Variants in MECOM observed in about 807,000 individuals in gnomAD.
The protein encoded by MECOM is MDS1 and EVI1 complex locus.
In MECOM, 13 loss-of-function variants were observed where a neutral mutation model predicts 116.3. The observed-to-expected ratio is 0.11, with a 90% CI of 0.07 to 0.18. The LOEUF is 0.18. Among genes scored for constraint, MECOM ranks in the 10% least tolerant of loss-of-function variants. MECOM has a pLI of 1.00. For synonymous variants in MECOM, 528 were observed against 535.2 expected (o/e 0.99, Z 0.19); for missense variants, 1,299 against 1,509.0 (o/e 0.86, Z 2.31).
intron 2 of MECOM, among the ~76,000 whole-genome samples, chr3:169,349,040 A>G (rs1725841757): frequency 6.6e-6 from 1 of 151,582 alleles, no homozygotes; most frequent in Non-Finnish European, 1.5e-5. Context: ...ATATAAAGTC[A>G]TGTTCACCCC....
At chr3:169,467,666 C>T (rs757530959) in intron 1 of MECOM, among the ~76,000 whole-genome samples, 1 of 152,138 alleles carries the variant, frequency 6.6e-6, no homozygotes, top group Non-Finnish European at 1.5e-5. Flanking sequence ...AGTCTCCTAC[C>T]GCTGGCTAAT....
At chr3:169,365,149 C>T (rs1347946891) in intron 2 of MECOM, among the ~76,000 whole-genome samples, 1 of 151,974 alleles carries the variant, frequency 6.6e-6, no homozygotes, top group Non-Finnish European at 1.5e-5. Flanking sequence ...TGACCCTTCT[C>T]AATCCTGGGG....
intron 12 of MECOM, among the ~76,000 whole-genome samples, chr3:169,100,101 C>CTTTTTTTTTT (rs869032341): frequency 1.6e-4 from 8 of 50,654 alleles, no homozygotes; most frequent in African/African-American, 2.2e-4. Context: ...TTCTTTCTTT[C>CTTTTTTTTTT]TTTTTTTTTT....
At chr3:169,435,687 G>A (rs1742507240) in intron 1 of MECOM, among the ~76,000 whole-genome samples, 1 of 152,050 alleles carries the variant, frequency 6.6e-6, no homozygotes, top group African/African-American at 2.4e-5. Flanking sequence ...GACAATTAGA[G>A]GGCCAAAACT....
At position 169,433,649 on chromosome 3, in the gene MECOM, GAAAGAAAGAAAGAAAGAAAGAA is replaced by G. The variant is rs1486231733; in HGVS notation, c.38-52147_38-52126del. ...AGAAAGAAAGAGAAAGAGAAAGAAAGAAAGAAAGAAAGAAAGAAAGAAAGAAAGAAAGAAAGAAAGAGAAAGA... is the reference window on the plus strand; with the variant it reads ...AGAAAGAAAGAGAAAGAGAAAGAAAGAGAAAGAAAGAAAGAAAGAGAAAGA... On this transcript the variant is annotated intron_variant, in intron 1 of 16. Transcript: ENST00000651503. Among the ~76,000 whole-genome samples the G allele has an allele frequency of 2.5e-5, 3 of 121,520 alleles. No individual in the cohort carries two copies. In the East Asian group the frequency reaches 1.1e-3, roughly 46 times the overall value. 79.7% of individuals were successfully genotyped at this position (121,520 alleles called of 152,430 possible). A position where few individuals can be genotyped will look rare whatever the true frequency, so the allele number is the denominator to read the frequency against.
At chr3:169,602,592 ACTC>A (rs1311506230) in intron 1 of MECOM, among the ~76,000 whole-genome samples, 1 of 152,056 alleles carries the variant, frequency 6.6e-6, no homozygotes, top group African/African-American at 2.4e-5. Flanking sequence ...GAGGCTGCCT[ACTC>A]CTTGTGACAA....
intron 1 of MECOM, among the ~76,000 whole-genome samples, chr3:169,534,373 C>T (rs146615874): frequency 3.3e-5 from 5 of 152,222 alleles, no homozygotes; most frequent in African/African-American, 1.2e-4. Flanking sequence ...TAGCTAATAA[C>T]CCCCTGGATA....
intron 1 of MECOM, among the ~76,000 whole-genome samples, chr3:169,401,411 A>C (rs374035733): frequency 4.0e-5 from 6 of 150,994 alleles, no homozygotes; most frequent in Non-Finnish European, 8.8e-5. Flanking sequence ...ATTTCCATTT[A>C]CATTTAAAAA....
intron 2 of MECOM, among the ~76,000 whole-genome samples, chr3:169,244,962 A>C (rs1755394992): frequency 6.6e-6 from 1 of 152,208 alleles, no homozygotes; most frequent in Non-Finnish European, 1.5e-5. Context: ...ATCACACACA[A>C]AAAAACAAAA....
chr3:169,314,802 C>T (rs764920575), intron 2 of MECOM, among the ~76,000 whole-genome samples: 10 of 152,186 alleles, frequency 6.6e-5, no homozygotes, highest in African/African-American at 1.9e-4. Flanking sequence ...TTTAGGGCAA[C>T]GATATTCTTA....
At chr3:169,495,187 A>G (rs1753662945) in intron 1 of MECOM, among the ~76,000 whole-genome samples, 1 of 152,050 alleles carries the variant, frequency 6.6e-6, no homozygotes. Flanking sequence ...CCTGGACCCT[A>G]TCCAAGTTCT....
chr3:169,277,165 T>C (rs1759697615), intron 2 of MECOM, among the ~76,000 whole-genome samples: 1 of 152,174 alleles, frequency 6.6e-6, no homozygotes, highest in Non-Finnish European at 1.5e-5. Flanking sequence ...TGGGTATGTA[T>C]ATTATATCTG....
intron 2 of MECOM, among the ~76,000 whole-genome samples, chr3:169,299,326 A>C (rs1442571014): frequency 6.6e-6 from 1 of 152,100 alleles, no homozygotes; most frequent in Non-Finnish European, 1.5e-5. Flanking sequence ...TTCCCCACCC[A>C]GTGCACACCC....
At chr3:169,503,176 C>A (rs902512006) in intron 1 of MECOM, among the ~76,000 whole-genome samples, 4 of 152,036 alleles carry the variant, frequency 2.6e-5, no homozygotes, top group African/African-American at 7.2e-5. Flanking sequence ...GTTCACATAA[C>A]CAAAAAACGA....
At chr3:169,277,267 G>A (rs1042861528) in intron 2 of MECOM, among the ~76,000 whole-genome samples, 5 of 152,058 alleles carry the variant, frequency 3.3e-5, no homozygotes, top group South Asian at 4.1e-4. Context: ...TCTTGACTCC[G>A]TAAGCACAGG....
intron 2 of MECOM, among the ~76,000 whole-genome samples, chr3:169,352,425 T>C (rs1396707356): frequency 1.3e-5 from 2 of 151,920 alleles, no homozygotes; most frequent in Non-Finnish European, 2.9e-5. Context: ...AACTTTACTA[T>C]GAAATTATCT....
intron 2 of MECOM, among the ~76,000 whole-genome samples, chr3:169,190,419 C>A (rs953780903): frequency 6.6e-6 from 1 of 151,970 alleles, no homozygotes; most frequent in Non-Finnish European, 1.5e-5. Context: ...TGATCTATAT[C>A]AGATGATAAA....
chr3:169,381,617 G>T (rs768595933), intron 1 of MECOM, 93 bp from the exon 2 acceptor site: 15 of 942,062 alleles, frequency 1.6e-5, no homozygotes, highest in Non-Finnish European at 2.3e-5. Context: ...TTCTTTGAAG[G>T]ATAAACAGGA....
chr3:169,234,755 C>T (rs751766184), intron 2 of MECOM, among the ~76,000 whole-genome samples: 13 of 152,200 alleles, frequency 8.5e-5, no homozygotes, highest in Non-Finnish European at 1.8e-4. Flanking sequence ...TGTGTACATA[C>T]TTATGCTTTC....
Sources: allele counts gnomAD v4.1 joint callset (sites outside exome capture counted in the v4.1 genomes callset), GRCh38; gene constraint gnomAD v4.1.1; transcripts MANE v1.5; gene names NCBI Gene and HGNC (gene_info 2026-07-23, HGNC 2026-07-21).